Variants in ST6GALNAC3 observed in about 807,000 individuals in gnomAD.
The protein encoded by ST6GALNAC3 is alpha-N-acetylgalactosaminide alpha-2,6-sialyltransferase 3.
ST6GALNAC3 carries 25 observed loss-of-function variants against 32.7 expected under a neutral mutation model. That is an observed-to-expected ratio of 0.76 (90% CI 0.56 to 1.07). The LOEUF is 1.07. ST6GALNAC3 is among the 50% of genes least tolerant of loss of function. ST6GALNAC3 has a pLI of 0.00. For missense variants in ST6GALNAC3, 355 were observed against 382.4 expected (o/e 0.93, Z 0.60); for synonymous variants, 129 against 133.1 (o/e 0.97, Z 0.21).
At chr1:76,330,983 T>C (rs976963145) in intron 2 of ST6GALNAC3, among the ~76,000 whole-genome samples, 2 of 152,076 alleles carry the variant, frequency 1.3e-5, no homozygotes, top group Non-Finnish European at 2.9e-5. Context: ...GTCTGGGAAA[T>C]GTAGGTGTTA....
At chr1:76,483,248 G>C (rs1659858629) in intron 3 of ST6GALNAC3, among the ~76,000 whole-genome samples, 2 of 152,242 alleles carry the variant, frequency 1.3e-5, no homozygotes, top group East Asian at 1.9e-4. Context: ...CCAGTAATGG[G>C]ATGGCTGGGT....
chr1:76,089,734 T>C (rs1260140301), intron 1 of ST6GALNAC3, among the ~76,000 whole-genome samples: 2 of 152,198 alleles, frequency 1.3e-5, no homozygotes, highest in Non-Finnish European at 2.9e-5. Context: ...CGGTTGACAG[T>C]ATTGCCCTTA....
intron 1 of ST6GALNAC3, among the ~76,000 whole-genome samples, chr1:76,132,524 C>T (rs289697): frequency 0.49 from 74,928 of 151,978 alleles, 18,898 homozygotes; most frequent in East Asian, 0.81. Flanking sequence ...GTGGAGACTG[C>T]CTATCTGAGT....
chr1:76,458,741 G>C (rs1275058076), intron 3 of ST6GALNAC3, among the ~76,000 whole-genome samples: 1 of 123,478 alleles, frequency 8.1e-6, no homozygotes, highest in East Asian at 3.0e-4. Flanking sequence ...GTTGTGGGGT[G>C]GGGGGAGGGG....
chr1:76,361,704 C>G (rs1649952905), intron 2 of ST6GALNAC3, among the ~76,000 whole-genome samples: 1 of 152,132 alleles, frequency 6.6e-6, no homozygotes, highest in Non-Finnish European at 1.5e-5. Flanking sequence ...GAGGCCCAGG[C>G]ATGGTGGCTT....
intron 1 of ST6GALNAC3, among the ~76,000 whole-genome samples, chr1:76,225,891 C>A (rs1656039121): frequency 6.6e-6 from 1 of 152,178 alleles, no homozygotes; most frequent in Non-Finnish European, 1.5e-5. Context: ...TTACTAGCCT[C>A]ATTTCACTGG....
At chr1:76,075,777 G>A (rs531163740) in intron 1 of ST6GALNAC3, among the ~76,000 whole-genome samples, 27 of 151,858 alleles carry the variant, frequency 1.8e-4, no homozygotes, top group African/African-American at 6.0e-4. Flanking sequence ...AACATGAACA[G>A]CATGAAAGTT....
At chr1:76,135,358 G>T (rs1649876734) in intron 1 of ST6GALNAC3, among the ~76,000 whole-genome samples, 1 of 152,126 alleles carries the variant, frequency 6.6e-6, no homozygotes, top group African/African-American at 2.4e-5. Flanking sequence ...CCATGTTGTT[G>T]TGTGACTTGC....
chr1:76,339,511 G>A (rs1008003604), intron 2 of ST6GALNAC3, among the ~76,000 whole-genome samples: 17 of 152,156 alleles, frequency 1.1e-4, no homozygotes, highest in Non-Finnish European at 2.1e-4. Context: ...CTCCATAACT[G>A]TAAGATAAAA....
chr1:76,545,652 A>G (rs969787278), intron 3 of ST6GALNAC3, among the ~76,000 whole-genome samples: 2 of 107,874 alleles, frequency 1.9e-5, no homozygotes, highest in Admixed American at 2.8e-4. Flanking sequence ...TAAGAGATGA[A>G]GAAACTTTTT....
At chr1:76,587,651 G>T (rs1179158346) in intron 3 of ST6GALNAC3, among the ~76,000 whole-genome samples, 2 of 152,284 alleles carry the variant, frequency 1.3e-5, no homozygotes, top group East Asian at 1.9e-4. Flanking sequence ...TTGGTGTGAG[G>T]ATTAAATATG....
intron 2 of ST6GALNAC3, among the ~76,000 whole-genome samples, chr1:76,325,156 A>C (rs868749673): frequency 6.6e-6 from 1 of 152,224 alleles, no homozygotes; most frequent in Non-Finnish European, 1.5e-5. Flanking sequence ...GATGGAGAAG[A>C]CCATAGGAGA....
At chr1:76,575,413 A>C (rs1646786129) in intron 3 of ST6GALNAC3, among the ~76,000 whole-genome samples, 1 of 152,122 alleles carries the variant, frequency 6.6e-6, no homozygotes, top group Non-Finnish European at 1.5e-5. Flanking sequence ...TGCATTGAGC[A>C]CTCACGCTGT....
At chr1:76,614,892 T>C (rs1193855450) in intron 3 of ST6GALNAC3, among the ~76,000 whole-genome samples, 1 of 151,784 alleles carries the variant, frequency 6.6e-6, no homozygotes, top group Non-Finnish European at 1.5e-5. Context: ...ATCAGGGCTG[T>C]GACTGGGGGG....
chr1:76,566,181 A>G lies in ST6GALNAC3; in HGVS notation c.624-61271A>G, dbSNP rs145077084. 4.8e-4 allele frequency among the ~76,000 whole-genome samples: 73 copies of G among 152,306 alleles called. No individual in the cohort carries two copies. The East Asian group carries it at 0.01, about 21-fold the overall frequency. On this transcript the variant is annotated intron_variant, in intron 3 of 4. Transcript: ENST00000328299. ...AAGTATTTCTCAGATTCTACCCTAA[A>G]ATAGTGACAGTATGTCAGGTGTGGA...
At chr1:76,497,846 T>C (rs1265600934) in intron 3 of ST6GALNAC3, among the ~76,000 whole-genome samples, 1 of 152,178 alleles carries the variant, frequency 6.6e-6, no homozygotes, top group Non-Finnish European at 1.5e-5. Context: ...AGCAAGGAGT[T>C]CCATTCAGCA....
chr1:76,344,775 G>A (rs551598033), intron 2 of ST6GALNAC3, among the ~76,000 whole-genome samples: 2 of 152,304 alleles, frequency 1.3e-5, no homozygotes, highest in South Asian at 4.1e-4. Flanking sequence ...AGTAAAGGCT[G>A]AGTAAATATC....
intron 3 of ST6GALNAC3, among the ~76,000 whole-genome samples, chr1:76,432,013 C>T (rs1351003877): frequency 6.6e-6 from 1 of 152,196 alleles, no homozygotes; most frequent in Non-Finnish European, 1.5e-5. Context: ...TAACCCCTAA[C>T]AACCAATAAT....
rs992921599 is a variant in ST6GALNAC3, at chr1:76,509,755, C to T, written c.623+97338C>T. Reference sequence around the variant, plus strand: ...GACTGCCTACATCCTTGGCTCACGGCCCCACTCCACCAATTTCTGCTTCCA... The same window carrying T: ...GACTGCCTACATCCTTGGCTCACGGTCCCACTCCACCAATTTCTGCTTCCA... On this transcript the variant is annotated intron_variant, in intron 3 of 4. Transcript: ENST00000328299. This position sits in a 1 kb window ranked among gnomAD's most constrained non-coding sequence, Gnocchi z 5.5. Among the ~76,000 whole-genome samples the T allele has an allele frequency of 2.6e-5, 4 of 152,144 alleles. No homozygotes were observed. The highest frequency in any genetic ancestry group is 1.9e-4 in the East Asian group (1 of 5,174).
Sources: gnomAD v4.1 joint callset for allele counts (sites outside exome capture counted in the v4.1 genomes callset) on GRCh38, gnomAD v4.1.1 for gene constraint, Gnocchi (gnomAD v3.1) non-coding constraint, MANE v1.5 for transcripts, NCBI Gene and HGNC (gene_info 2026-07-23, HGNC 2026-07-21) for gene names.